Variants in GIT1 observed in about 807,000 individuals in gnomAD.
GIT1 encodes the protein ARF GTPase-activating protein GIT1.
GIT1 carries 14 observed loss-of-function variants against 91.7 expected under a neutral mutation model. That is an observed-to-expected ratio of 0.15 (90% CI 0.10 to 0.24). The LOEUF is 0.24. Among genes scored for constraint, GIT1 ranks in the 10% least tolerant of loss-of-function variants. The probability of loss-of-function intolerance (pLI) is 1.00; values close to 1 mark genes in which losing one functional copy is unlikely to be tolerated. For missense variants in GIT1, 717 were observed against 1,024.9 expected (o/e 0.70, Z 4.10); for synonymous variants, 414 against 418.2 (o/e 0.99, Z 0.12).
Position 29,576,288 on chromosome 17 carries a change from C to A in GIT1, c.1543G>T (p.Ala515Ser). The A allele has an allele frequency of 6.2e-7, 1 of 1,612,528 alleles. No homozygotes were observed. Among genetic ancestry groups the A allele is most frequent in the Non-Finnish European group, 8.5e-7 (1 of 1,179,614 alleles). The change falls in exon 14 of 20, where the codon GCC (alanine) becomes TCC (serine). Residue 515 changes from alanine (A) to serine (S), a missense_variant. This residue lies in a region of GIT1 where 312 missense variants were observed against 349.5 expected (regional missense o/e 0.89). Transcript: ENST00000225394. ...GGGGGGCCCCCAAAGGGCTTCAGGG[C>A]AGAGCCAGGTTCATACATGGAAAAG... ...QAFSMYEPGS[A>S]LKPFGGPPGD...
intron 15 of GIT1, 38 bp downstream of exon 15, chr17:29,576,040 C>T: frequency 6.2e-7 from 1 of 1,607,834 alleles, no homozygotes; most frequent in Non-Finnish European, 8.5e-7. Context: ...GGGCTCAGAA[C>T]CTACTGGCTA....
chr17:29,585,579 T>G (rs1046819520), intron 1 of GIT1, among the ~76,000 whole-genome samples: 2 of 152,114 alleles, frequency 1.3e-5, no homozygotes, highest in African/African-American at 2.4e-5. Context: ...GGGGTTCTCC[T>G]TCTCCTCCAG....
intron 7 of GIT1, among the ~76,000 whole-genome samples, chr17:29,579,916 G>C (rs1264780885): frequency 2.0e-5 from 3 of 152,108 alleles, no homozygotes; most frequent in African/African-American, 4.8e-5. Context: ...CTCCGCTCTC[G>C]GGATGGTCAC....
chr17:29,574,794 G>T lies in GIT1; in HGVS notation c.2194C>A (p.Leu732Met). 1 of 1,612,974 alleles carries T rather than the reference G, an allele frequency of 6.2e-7. No individual in the cohort carries two copies. The change falls in exon 20 of 20, where the codon CTG becomes ATG. Residue 732 changes from leucine (L) to methionine (M), a missense_variant. Physicochemically the swap from Leu to Met is conservative, Grantham distance 15. Around this residue, in one of 3 missense-constraint regions of GIT1, gnomAD observed 134 missense variants for 223.8 expected, o/e 0.60. Coordinates refer to ENST00000225394, the MANE Select transcript of GIT1 (RefSeq NM_014030.4). ...CACTGGATCACCTGCTGAGTCAGCA[G>T]CTGGAAGTCCACTGGGGCGCCGGGC... is the stretch of plus-strand genomic sequence containing the variant. ...PEPGAPVDFQ[L>M]LTQQVIQCAY...
At position 29,576,958 on chromosome 17, in the gene GIT1, C is replaced by T. The variant is rs746705525; in HGVS notation, c.1132G>A (p.Asp378Asn). The T allele has an allele frequency of 6.2e-7, 1 of 1,600,700 alleles. No homozygotes were observed. Among genetic ancestry groups the T allele is most frequent in the East Asian group, 2.2e-5 (1 of 44,714 alleles). The change falls in exon 12 of 20, where the codon GAC (aspartate) becomes AAC (asparagine). Residue 378 changes from aspartate (D) to asparagine (N), a missense_variant. Asp to Asn is a conservative substitution (Grantham distance 23). Coordinates refer to ENST00000225394, the MANE Select transcript of GIT1 (RefSeq NM_014030.4). ...ELSLRSQSDL[D>N]DQHDYDSVAS... ...ACGCTGTCGTAGTCGTGTTGGTCGT[C>T]GAGGTCACTCTGGCTCCGCAGAGAC...
intron 1 of GIT1, among the ~76,000 whole-genome samples, chr17:29,586,678 T>C (rs777129193): frequency 3.3e-5 from 5 of 152,208 alleles, no homozygotes; most frequent in Non-Finnish European, 7.3e-5. Flanking sequence ...GACAGGCATC[T>C]TGAGGCCTTC....
chr17:29,582,565 C>T (rs2150846757), intron 4 of GIT1, 133 bp downstream of exon 4: 1 of 660,006 alleles, frequency 1.5e-6, no homozygotes, highest in Non-Finnish European at 2.7e-6. Context: ...GCTCTCTCCA[C>T]CCTGTCTACT....
At chr17:29,585,020 C>A (rs1039549805) in intron 1 of GIT1, among the ~76,000 whole-genome samples, 1 of 136,070 alleles carries the variant, frequency 7.3e-6, no homozygotes, top group African/African-American at 2.8e-5. Flanking sequence ...TGGAGTGCAG[C>A]GGGTTTAGGC....
chr17:29,586,272 C>T (rs2033591763), intron 1 of GIT1, among the ~76,000 whole-genome samples: 1 of 152,202 alleles, frequency 6.6e-6, no homozygotes, highest in South Asian at 2.1e-4. Context: ...AATTCATAAA[C>T]TTTCTTAAAA....
At chr17:29,582,892 GTC>G in intron 3 of GIT1, 31 bp downstream of exon 3, 1 of 1,563,796 alleles carries the variant, frequency 6.4e-7, no homozygotes, top group Non-Finnish European at 8.8e-7. Context: ...GGACTGCGCA[GTC>G]TCTGCCCACC....
intron 4 of GIT1, among the ~76,000 whole-genome samples, 163 bp downstream of exon 4, chr17:29,582,535 A>C (rs1354602081): frequency 6.6e-6 from 1 of 152,136 alleles, no homozygotes; most frequent in Non-Finnish European, 1.5e-5. Flanking sequence ...TCAGCCACAC[A>C]CGGCCTGACC....
In GIT1 at chr17:29,589,202, C is replaced by T. The variant is rs1041747218; in HGVS notation, c.52+125G>A. 14 of 278,948 alleles carry T rather than the reference C, an allele frequency of 5.0e-5. 1 individual carries two copies. The highest frequency in any genetic ancestry group is 3.2e-4 in the African/African-American group (14 of 43,790). 17.3% of individuals were successfully genotyped at this position (278,948 alleles called of 1,614,324 possible). A position where few individuals can be genotyped will look rare whatever the true frequency, so the allele number is the denominator to read the frequency against. Reference sequence around the variant, plus strand: ...CGCAGTGGCCGAGGCGGGGGCCCAGCCTGGAGGCCGCAGCCCCCCGCCCCG... The same window carrying T: ...CGCAGTGGCCGAGGCGGGGGCCCAGTCTGGAGGCCGCAGCCCCCCGCCCCG... On this transcript the variant is annotated intron_variant, in intron 1 of 19. Transcript: ENST00000225394. The surrounding 1 kb of genome is among the most constrained non-coding windows in gnomAD (Gnocchi z 5.2).
intron 9 of GIT1, 92 bp from the exon 10 acceptor site, chr17:29,577,834 C>A: frequency 1.3e-6 from 1 of 778,310 alleles, no homozygotes; most frequent in East Asian, 2.5e-5. Flanking sequence ...CCTAGCTGCC[C>A]CCACGCCTAC....
chr17:29,576,036 A>G, intron 15 of GIT1, 42 bp downstream of exon 15: 1 of 1,604,824 alleles, frequency 6.2e-7, no homozygotes, highest in Non-Finnish European at 8.5e-7. Flanking sequence ...CCTGGGGCTC[A>G]GAACCTACTG....
Position 29,581,713 on chromosome 17 carries a change from C to T in GIT1, c.718+29G>A. The T allele has an allele frequency of 4.5e-6, 7 of 1,569,440 alleles. No homozygotes were observed. Among genetic ancestry groups the T allele is most frequent in the East Asian group, 2.2e-5 (1 of 44,686 alleles). On this transcript the variant is annotated intron_variant, in intron 6 of 19. Transcript: ENST00000225394. The surrounding 1 kb of genome is among the most constrained non-coding windows in gnomAD (Gnocchi z 4.8). ...TGCCCAGCCCCAGCCAGGCCTGTCA[C>T]AGCCAGGCGCCCCCCAAGCTCTGCT... is the stretch of plus-strand genomic sequence containing the variant.
chr17:29,575,308 G>A lies in GIT1; in HGVS notation c.1989C>T (p.Ala663=), dbSNP rs751066009. 3 of 1,612,598 alleles carry A rather than the reference G, an allele frequency of 1.9e-6. No homozygotes were observed. Among genetic ancestry groups the A allele is most frequent in the Middle Eastern group, 1.7e-4 (1 of 5,922 alleles). The change falls in exon 18 of 20, where the codon GCC becomes GCT. Residue 663 remains alanine, a synonymous_variant. Transcript: ENST00000225394. This position sits in a 1 kb window ranked among gnomAD's most constrained non-coding sequence, Gnocchi z 5.5. ...AGTACCTGTCATGCTTGAACTCCTG[G>A]GCTGCCCGCAACAGTTCCTGAATGT... ...TKNIQELLRA[A]QEFKHDSFVP...
At chr17:29,588,999 G>GCCA (rs1414383921) in intron 1 of GIT1, among the ~76,000 whole-genome samples, 1 of 152,212 alleles carries the variant, frequency 6.6e-6, no homozygotes, top group African/African-American at 2.4e-5. Context: ...CGGCCCTCCT[G>GCCA]CCACCCCAGG....
rs905450549 is a variant in GIT1, at chr17:29,581,285, C to T, written c.761+53G>A. ...TGGGCTGGGAGCTCTGGGGGTCAGC[C>T]ACCCACATGGCATCCAACAGCCTCT... On this transcript the variant is annotated intron_variant, in intron 7 of 19. Coordinates refer to ENST00000225394, the MANE Select transcript of GIT1 (RefSeq NM_014030.4). The surrounding 1 kb of genome is among the most constrained non-coding windows in gnomAD (Gnocchi z 4.8). The T allele has an allele frequency of 7.1e-7, 1 of 1,418,020 alleles. No individual in the cohort carries two copies. Among genetic ancestry groups the T allele is most frequent in the Non-Finnish European group, 1.0e-6 (1 of 1,002,350 alleles). 87.8% of individuals were successfully genotyped at this position (1,418,020 alleles called of 1,614,324 possible). A position where few individuals can be genotyped will look rare whatever the true frequency, so the allele number is the denominator to read the frequency against.
intron 15 of GIT1, 59 bp downstream of exon 15, chr17:29,576,019 A>G (rs2033181773): frequency 6.3e-7 from 1 of 1,579,372 alleles, no homozygotes; most frequent in Non-Finnish European, 8.7e-7. Context: ...CACAGAGCCC[A>G]GAACCCCCTG....
Sources: allele counts gnomAD v4.1 joint callset (sites outside exome capture counted in the v4.1 genomes callset), GRCh38; gene constraint gnomAD v4.1.1; regional missense constraint gnomAD v4.1.1; non-coding constraint Gnocchi (gnomAD v3.1); transcripts MANE v1.5; gene names NCBI Gene and HGNC (gene_info 2026-07-23, HGNC 2026-07-21).